PHKG2: variants seen among roughly 807,000 people sequenced by gnomAD.
The protein encoded by PHKG2 is phosphorylase b kinase gamma catalytic chain, liver/testis isoform.
PHKG2 carries 28 observed loss-of-function variants against 44.5 expected under a neutral mutation model. That is an observed-to-expected ratio of 0.63 (90% CI 0.47 to 0.86). PHKG2 has a LOEUF of 0.86. Among genes scored for constraint, PHKG2 ranks in the 40% least tolerant of loss-of-function variants. PHKG2 has a pLI of 0.00. For synonymous variants in PHKG2, 220 were observed against 211.2 expected, an observed-to-expected ratio of 1.04 and a Z score of -0.36; for missense variants, 498 against 547.5, an observed-to-expected ratio of 0.91 and a Z score of 0.90.
At position 30,756,987 on chromosome 16, in the gene PHKG2, G is replaced by T; in HGVS notation, c.1111G>T (p.Ala371Ser). 6.2e-7 allele frequency: 1 copy of T among 1,612,324 alleles called. No individual in the cohort carries two copies. The highest frequency in any genetic ancestry group is 8.5e-7 in the Non-Finnish European group (1 of 1,180,026). Residue 371 changes from alanine to serine, a missense_variant, in exon 10 of 10, where the codon GCG (alanine) becomes TCG (serine). Ala to Ser is a moderately conservative substitution (Grantham distance 99). Transcript: ENST00000563588. Reference protein sequence around the residue: ...WVKKGEQQNRAALFQHRPPGP... With the variant: ...WVKKGEQQNRSALFQHRPPGP... Reference sequence around the variant, plus strand: ...AAAGAAAGGGGAGCAGCAGAACCGGGCGGCTCTCTTTCAGCACCGGCCCCC... The same window carrying T: ...AAAGAAAGGGGAGCAGCAGAACCGGTCGGCTCTCTTTCAGCACCGGCCCCC...
chr16:30,757,455 T>C lies in PHKG2; in HGVS notation c.*358T>C, dbSNP rs2053454629. ...ATGGTGCCATTCTGGCCCAGACCTTTATTGGGGAAAATGTTGGGGGTCACT... is the reference window on the plus strand; with the variant it reads ...ATGGTGCCATTCTGGCCCAGACCTTCATTGGGGAAAATGTTGGGGGTCACT... On this transcript the variant is annotated 3_prime_UTR_variant, in exon 10 of 10. Transcript: ENST00000563588. 1 of 1,607,192 alleles carries C rather than the reference T, an allele frequency of 6.2e-7. No individual in the cohort carries two copies. The highest frequency in any genetic ancestry group is 8.5e-7 in the Non-Finnish European group (1 of 1,175,704).
chr16:30,760,638 C>T lies in PHKG2; in HGVS notation c.*3541C>T. On this transcript the variant is annotated 3_prime_UTR_variant, in exon 10 of 10. Transcript: ENST00000563588. ...TCTCAGCATTGGTGGTCTTCTCCAGCTGGTGCATGGAATGGACGTCCAGGT... is the reference window on the plus strand; with the variant it reads ...TCTCAGCATTGGTGGTCTTCTCCAGTTGGTGCATGGAATGGACGTCCAGGT... 1 of 1,556,068 alleles carries T rather than the reference C, an allele frequency of 6.4e-7. No homozygotes were observed. The highest frequency in any genetic ancestry group is 8.7e-7 in the Non-Finnish European group (1 of 1,149,020).
In PHKG2 at chr16:30,759,145, C is replaced by T. The variant is rs373898885; in HGVS notation, c.*2048C>T. On this transcript the variant is annotated 3_prime_UTR_variant, in exon 10 of 10. Transcript: ENST00000563588. ...AAGAGACTGTGGCCCCAGGCCTGGCCCAGCCCAGCCCTGCCCTGGCACTCT... is the reference window on the plus strand; with the variant it reads ...AAGAGACTGTGGCCCCAGGCCTGGCTCAGCCCAGCCCTGCCCTGGCACTCT... The T allele has an allele frequency of 1.9e-6, 3 of 1,614,202 alleles. No homozygotes were observed. Among genetic ancestry groups the T allele is most frequent in the South Asian group, 1.1e-5 (1 of 91,092 alleles).
At position 30,759,134 on chromosome 16, in the gene PHKG2, C is replaced by T. The variant is rs370922410; in HGVS notation, c.*2037C>T. 2 of 1,614,166 alleles carry T rather than the reference C, an allele frequency of 1.2e-6. No homozygotes were observed. Among genetic ancestry groups the T allele is most frequent in the East Asian group, 2.2e-5 (1 of 44,880 alleles). ...CCAGAAGCAGGAAGAGACTGTGGCCCCAGGCCTGGCCCAGCCCAGCCCTGC... is the reference window on the plus strand; with the variant it reads ...CCAGAAGCAGGAAGAGACTGTGGCCTCAGGCCTGGCCCAGCCCAGCCCTGC... On this transcript the variant is annotated 3_prime_UTR_variant, in exon 10 of 10. Coordinates refer to ENST00000563588, the MANE Select transcript of PHKG2 (RefSeq NM_000294.3).
intron 2 of PHKG2, among the ~76,000 whole-genome samples, chr16:30,749,998 C>T (rs373584448): frequency 1.3e-5 from 2 of 152,030 alleles, no homozygotes; most frequent in East Asian, 1.9e-4. Flanking sequence ...AAAATGTATG[C>T]GTGTGGTAGA....
rs1468572937 is a variant in PHKG2 at position 30,757,447 on chromosome 16, C to T, written c.*350C>T. The T allele has an allele frequency of 6.2e-7, 1 of 1,601,984 alleles. No homozygotes were observed. The highest frequency in any genetic ancestry group is 2.2e-5 in the East Asian group (1 of 44,768). ...GTGCAGGGATGGTGCCATTCTGGCC[C>T]AGACCTTTATTGGGGAAAATGTTGG... On this transcript the variant is annotated 3_prime_UTR_variant, in exon 10 of 10. Transcript: ENST00000563588.
intron 2 of PHKG2, among the ~76,000 whole-genome samples, chr16:30,750,027 G>A (rs1490077861): frequency 6.6e-6 from 1 of 152,064 alleles, no homozygotes; most frequent in African/African-American, 2.4e-5. Flanking sequence ...GCTTTCATCA[G>A]ATTCTCAAAG....
At chr16:30,754,941 C>T (rs528501776) in intron 6 of PHKG2, 1 of 454,612 alleles carries the variant, frequency 2.2e-6, no homozygotes, top group African/African-American at 2.0e-5. Context: ...ACTTGGCATT[C>T]AAGAAATACT....
At chr16:30,748,615 G>A in intron 1 of PHKG2, 125 bp downstream of exon 1, 1 of 575,190 alleles carries the variant, frequency 1.7e-6, no homozygotes, top group Non-Finnish European at 3.1e-6. Context: ...TCCCCTCCCT[G>A]CCCTGCCATC....
At position 30,757,180 on chromosome 16, in the gene PHKG2, TCTGGC is replaced by T. The variant is rs2053446730; in HGVS notation, c.*86_*90del. ...ATTCCAGCTCCTCTGGGCTCTGGCC[TCTGGC>T]CTCAGGCCCACTAATGATCCTGCTA... On this transcript the variant is annotated 3_prime_UTR_variant, in exon 10 of 10. Coordinates refer to ENST00000563588, the MANE Select transcript of PHKG2 (RefSeq NM_000294.3). 16 of 1,595,466 alleles carry T rather than the reference TCTGGC, an allele frequency of 1.0e-5. No homozygotes were observed. The highest frequency in any genetic ancestry group is 8.4e-5 in the Admixed American group (5 of 59,602).
At chr16:30,749,139 CTGGTGCTGGTGG>C in intron 2 of PHKG2, among the ~76,000 whole-genome samples, 1 of 76,006 alleles carries the variant, frequency 1.3e-5, no homozygotes, top group Non-Finnish European at 2.7e-5. Flanking sequence ...GGTGGTGGTG[CTGGTGCTGGTGG>C]TGGTGCTGGT....
Position 30,758,946 on chromosome 16 carries a change from C to G in PHKG2, c.*1849C>G, listed in dbSNP as rs7188077. On this transcript the variant is annotated 3_prime_UTR_variant, in exon 10 of 10. Transcript: ENST00000563588. ...AACAAAAAGTCTGAAGTCCTGATGT[C>G]ATCCAAACCCTTCATTCTACACCTG... The G allele has an allele frequency of 0.99, 1,589,740 of 1,599,848 alleles. 790,327 individuals carry two copies. Among genetic ancestry groups the G allele is most frequent in the Non-Finnish European group, 1 (1,173,311 of 1,173,436 alleles).
rs148607066 is a variant in PHKG2, at chr16:30,753,670, T to C, written c.556+113T>C. 285 of 1,033,158 alleles carry C rather than the reference T, an allele frequency of 2.8e-4. No individual in the cohort carries two copies. The African/African-American group carries it at 4.0e-3, about 15-fold the overall frequency. The allele number at this position is 1,033,158 out of a possible 1,614,324, so 64.0% of individuals were successfully genotyped here. ...GGTGCCAAGAAAAAGGGAGAAGTCA[T>C]TGGGCACTTGCCAAGTATCCTGTGG... On this transcript the variant is annotated intron_variant, in intron 6 of 9. Coordinates refer to ENST00000563588, the MANE Select transcript of PHKG2 (RefSeq NM_000294.3).
Position 30,758,804 on chromosome 16 carries a change from C to T in PHKG2, c.*1707C>T, listed in dbSNP as rs572165552. 8 of 813,400 alleles carry T rather than the reference C, an allele frequency of 9.8e-6. No homozygotes were observed. Among genetic ancestry groups the T allele is most frequent in the South Asian group, 9.3e-5 (5 of 53,746 alleles). 50.4% of individuals were successfully genotyped at this position (813,400 alleles called of 1,614,324 possible). A position where few individuals can be genotyped will look rare whatever the true frequency, so the allele number is the denominator to read the frequency against. On this transcript the variant is annotated 3_prime_UTR_variant, in exon 10 of 10. Coordinates refer to ENST00000563588, the MANE Select transcript of PHKG2 (RefSeq NM_000294.3). ...TCCTGAGCTCAGGCAATCCGCCTGC[C>T]TCAGATTGTGCTGGGATTACAGGTG...
chr16:30,748,977 G>C, intron 2 of PHKG2, 62 bp downstream of exon 2: 1 of 1,048,382 alleles, frequency 9.5e-7, no homozygotes, highest in South Asian at 1.3e-5. Context: ...TCCCGCTTCC[G>C]TTTGAAGGCT....
Position 30,758,960 on chromosome 16 carries a change from A to G in PHKG2, c.*1863A>G, listed in dbSNP as rs1366918159. 6.2e-7 allele frequency: 1 copy of G among 1,607,410 alleles called. No homozygotes were observed. Among genetic ancestry groups the G allele is most frequent in the Non-Finnish European group, 8.5e-7 (1 of 1,176,980 alleles). On this transcript the variant is annotated 3_prime_UTR_variant, in exon 10 of 10. Coordinates refer to ENST00000563588, the MANE Select transcript of PHKG2 (RefSeq NM_000294.3). ...AGTCCTGATGTCATCCAAACCCTTC[A>G]TTCTACACCTGCTCAGAGGGACAGG...
Position 30,760,760 on chromosome 16 carries a change from G to A in PHKG2, c.*3663G>A, listed in dbSNP as rs1381412640. ...TGCGTGAGACTGGGAGTTGGCCACCGGCGTGAAGCTGGGCTCTTTTGCCAG... is the reference window on the plus strand; with the variant it reads ...TGCGTGAGACTGGGAGTTGGCCACCAGCGTGAAGCTGGGCTCTTTTGCCAG... On this transcript the variant is annotated 3_prime_UTR_variant, in exon 10 of 10. Transcript: ENST00000563588. The A allele has an allele frequency of 3.9e-5, 47 of 1,193,716 alleles. 1 individual carries two copies. The highest frequency in any genetic ancestry group is 2.3e-4 in the South Asian group (18 of 76,896). 73.9% of individuals were successfully genotyped at this position (1,193,716 alleles called of 1,614,324 possible). A position where few individuals can be genotyped will look rare whatever the true frequency, so the allele number is the denominator to read the frequency against.
rs140913831 is a variant in PHKG2 at position 30,756,942 on chromosome 16, C to G, written c.1066C>G (p.Arg356Gly). The G allele has an allele frequency of 6.2e-7, 1 of 1,613,710 alleles. No homozygotes were observed. The highest frequency in any genetic ancestry group is 8.5e-7 in the Non-Finnish European group (1 of 1,180,016). Reference protein sequence around the residue: ...VRHLIDNCAFRLYGHWVKKGE... With the variant: ...VRHLIDNCAFGLYGHWVKKGE... ...GCACCTCATCGACAACTGTGCCTTCCGGCTCTACGGGCACTGGGTAAAGAA... is the reference window on the plus strand; with the variant it reads ...GCACCTCATCGACAACTGTGCCTTCGGGCTCTACGGGCACTGGGTAAAGAA... The change falls in exon 10 of 10, where the codon CGG (arginine) becomes GGG (glycine). Residue 356 changes from arginine (R) to glycine (G), a missense_variant. Arg to Gly is a moderately radical substitution (Grantham distance 125, BLOSUM62 -2). Transcript: ENST00000563588.
chr16:30,750,742 A>G (rs371550838), intron 2 of PHKG2, among the ~76,000 whole-genome samples: 48 of 150,898 alleles, frequency 3.2e-4, no homozygotes, highest in African/African-American at 1.1e-3. Context: ...GGATGGGGTA[A>G]TCAGGCAAGT....
Sources: gnomAD v4.1 joint callset for allele counts (sites outside exome capture counted in the v4.1 genomes callset) on GRCh38, gnomAD v4.1.1 for gene constraint, MANE v1.5 for transcripts, NCBI Gene and HGNC (gene_info 2026-07-23, HGNC 2026-07-21) for gene names.